Variants in PPM1L observed in about 807,000 individuals in gnomAD.
PPM1L encodes the protein protein phosphatase 1L.
A neutral mutation model predicts 31.4 loss-of-function variants in PPM1L; 13 were observed. That is an observed-to-expected ratio of 0.41 (90% CI 0.27 to 0.66). PPM1L has a LOEUF of 0.66. Ranked by LOEUF, PPM1L falls within the 30% of genes least tolerant of loss-of-function variation. The probability of loss-of-function intolerance (pLI) is 0.29; values close to 1 mark genes in which losing one functional copy is unlikely to be tolerated. For missense variants in PPM1L, 326 were observed against 453.7 expected, an observed-to-expected ratio of 0.72 and a Z score of 2.56; for synonymous variants, 184 against 175.4, an observed-to-expected ratio of 1.05 and a Z score of -0.39.
intron 1 of PPM1L, among the ~76,000 whole-genome samples, chr3:160,817,274 T>C (rs1004281822): frequency 1.4e-4 from 21 of 152,026 alleles, no homozygotes; most frequent in African/African-American, 4.6e-4. Context: ...CTGAAGGTTT[T>C]TGGCTAAGTG....
intron 1 of PPM1L, among the ~76,000 whole-genome samples, chr3:160,941,174 A>G (rs1437279906): frequency 6.6e-6 from 1 of 152,196 alleles, no homozygotes; most frequent in Non-Finnish European, 1.5e-5. Context: ...CCCACATTGT[A>G]TCTAGGAAGT....
intron 1 of PPM1L, among the ~76,000 whole-genome samples, chr3:160,926,747 CA>C (rs1714607010): frequency 6.6e-6 from 1 of 152,084 alleles, no homozygotes; most frequent in African/African-American, 2.4e-5. Flanking sequence ...GTGGTGGGTA[CA>C]AAGTCAAGAT....
At chr3:160,895,111 A>T (rs1324423377) in intron 1 of PPM1L, among the ~76,000 whole-genome samples, 1 of 152,160 alleles carries the variant, frequency 6.6e-6, no homozygotes, top group East Asian at 1.9e-4. Flanking sequence ...GCCAACTTGG[A>T]ATTTCTTCCT....
intron 1 of PPM1L, among the ~76,000 whole-genome samples, chr3:160,919,113 C>A (rs930355281): frequency 9.9e-5 from 15 of 152,186 alleles, no homozygotes; most frequent in African/African-American, 3.4e-4. Context: ...GAGTAAAAAT[C>A]ATAATCATTA....
At chr3:160,978,585 T>A (rs1305387696) in intron 2 of PPM1L, among the ~76,000 whole-genome samples, 4 of 152,130 alleles carry the variant, frequency 2.6e-5, no homozygotes, top group Admixed American at 2.6e-4. Context: ...CTACCAACAC[T>A]TTGGGAGGCT....
chr3:160,790,389 A>G (rs1712068705), intron 1 of PPM1L, among the ~76,000 whole-genome samples: 1 of 152,180 alleles, frequency 6.6e-6, no homozygotes, highest in African/African-American at 2.4e-5. Flanking sequence ...GTATTTTATC[A>G]GGGTATAAAT....
At chr3:161,057,017 C>T (rs1308381956) in intron 2 of PPM1L, among the ~76,000 whole-genome samples, 9 of 151,968 alleles carry the variant, frequency 5.9e-5, no homozygotes, top group South Asian at 2.1e-4. Flanking sequence ...GAGCCGAGAT[C>T]GCGCCACTGC....
At chr3:160,785,567 G>A (rs1446699308) in intron 1 of PPM1L, among the ~76,000 whole-genome samples, 3 of 152,130 alleles carry the variant, frequency 2.0e-5, no homozygotes, top group Non-Finnish European at 4.4e-5. Flanking sequence ...TTTTAGGCAT[G>A]TGCAAATATA....
intron 2 of PPM1L, among the ~76,000 whole-genome samples, chr3:160,970,447 A>T (rs13061886): frequency 0.29 from 6,046 of 21,188 alleles, 581 homozygotes; most frequent in African/African-American, 0.39. Context: ...CAAGCTGAAT[A>T]TTTTTTTTTT....
intron 1 of PPM1L, among the ~76,000 whole-genome samples, chr3:160,757,655 G>A (rs1057115189): frequency 3.3e-5 from 5 of 152,358 alleles, no homozygotes; most frequent in African/African-American, 1.2e-4. Context: ...ATGCTCCAAA[G>A]AACACTGGGC....
intron 1 of PPM1L, among the ~76,000 whole-genome samples, chr3:160,879,417 G>A (rs1253677600): frequency 6.6e-6 from 1 of 151,978 alleles, no homozygotes; most frequent in African/African-American, 2.4e-5. Flanking sequence ...GGAGGGAAGT[G>A]TCATTAAAAA....
At position 160,756,515 on chromosome 3, in the gene PPM1L, C is replaced by T; in HGVS notation, c.207C>T (p.Asn69=). Residue 69 remains asparagine, a synonymous_variant, in exon 1 of 4, where the codon AAC becomes AAT. Coordinates refer to ENST00000498165, the MANE Select transcript of PPM1L (RefSeq NM_139245.4). This position sits in a 1 kb window ranked among gnomAD's most constrained non-coding sequence, Gnocchi z 6.2. ...VKGKVAEIMQ[N]DRLGGLDVLE... is the part of the protein sequence containing the mutation. ...GCAAGGTAGCCGAGATCATGCAGAA[C>T]GATCGACTCGGGGGGCTTGATGTGC... 6.2e-7 allele frequency: 1 copy of T among 1,614,122 alleles called. No homozygotes were observed. Among genetic ancestry groups the T allele is most frequent in the East Asian group, 2.2e-5 (1 of 44,874 alleles).
intron 1 of PPM1L, among the ~76,000 whole-genome samples, chr3:160,917,897 A>G (rs1356168126): frequency 6.6e-6 from 1 of 152,156 alleles, no homozygotes; most frequent in South Asian, 2.1e-4. Flanking sequence ...GTTCGTAATA[A>G]AATTCAAGAT....
At chr3:161,040,531 C>T (rs1021190402) in intron 2 of PPM1L, among the ~76,000 whole-genome samples, 4 of 152,158 alleles carry the variant, frequency 2.6e-5, no homozygotes, top group South Asian at 2.1e-4. Context: ...GAGAGAAAAT[C>T]GAGCATGGTT....
At chr3:160,840,001 G>A (rs1713822912) in intron 1 of PPM1L, among the ~76,000 whole-genome samples, 1 of 152,182 alleles carries the variant, frequency 6.6e-6, no homozygotes, top group African/African-American at 2.4e-5. Context: ...ATAGCCCCAT[G>A]GAAGTGTTAA....
intron 2 of PPM1L, among the ~76,000 whole-genome samples, chr3:161,026,201 G>T (rs1009389737): frequency 1.3e-5 from 2 of 152,196 alleles, no homozygotes; most frequent in Admixed American, 1.3e-4. Flanking sequence ...GTAAGAGTTT[G>T]TACTGCCCTT....
chr3:160,842,664 G>A (rs1713920498), intron 1 of PPM1L, among the ~76,000 whole-genome samples: 1 of 152,122 alleles, frequency 6.6e-6, no homozygotes, highest in African/African-American at 2.4e-5. Flanking sequence ...TTTAAGGCTT[G>A]TATTAAATCT....
At chr3:160,853,117 A>G (rs1711578615) in intron 1 of PPM1L, among the ~76,000 whole-genome samples, 1 of 152,122 alleles carries the variant, frequency 6.6e-6, no homozygotes, top group African/African-American at 2.4e-5. Flanking sequence ...CTGTGGTCAC[A>G]TTGCTTCCTC....
Position 160,985,789 on chromosome 3 carries a change from A to AT in PPM1L, c.574+23888dup, listed in dbSNP as rs551636884. Among the ~76,000 whole-genome samples the AT allele has an allele frequency of 3.6e-4, 55 of 151,490 alleles. No homozygotes were observed. The South Asian group carries it at 6.5e-3, about 18-fold the overall frequency. ...GAGCTAAAGTATCCTCTCTAAAAATATTTTTTTTTCATAATTTTGGCCTTT... is the reference window on the plus strand; with the variant it reads ...GAGCTAAAGTATCCTCTCTAAAAATATTTTTTTTTTCATAATTTTGGCCTTT... On this transcript the variant is annotated intron_variant, in intron 2 of 3. Transcript: ENST00000498165.
Sources: allele counts gnomAD v4.1 joint callset (sites outside exome capture counted in the v4.1 genomes callset), GRCh38; gene constraint gnomAD v4.1.1; non-coding constraint Gnocchi (gnomAD v3.1); transcripts MANE v1.5; gene names NCBI Gene and HGNC (gene_info 2026-07-23, HGNC 2026-07-21).